POLA1: variants seen among roughly 807,000 people sequenced by gnomAD.
POLA1 encodes DNA polymerase alpha 1, catalytic subunit.
In POLA1, 15 loss-of-function variants were observed where a neutral mutation model predicts 124.0. The observed-to-expected ratio is 0.12, with a 90% CI of 0.08 to 0.19. The LOEUF (loss-of-function observed/expected upper bound fraction) is 0.19. Ranked by LOEUF, POLA1 falls within the 10% of genes least tolerant of loss-of-function variation. The pLI, the probability that POLA1 is intolerant of heterozygous loss-of-function variation, is 1.00. For missense variants in POLA1, 886 were observed against 1,103.4 expected, an observed-to-expected ratio of 0.80 and a Z score of 2.79; for synonymous variants, 408 against 389.4, an observed-to-expected ratio of 1.05 and a Z score of -0.56.
chrX:24,972,202 C>G (rs1180914733), intron 36 of POLA1, among the ~76,000 whole-genome samples: 1 of 111,571 alleles, frequency 9.0e-6, no homozygotes, highest in African/African-American at 3.3e-5. Flanking sequence ...AACTCCTGAC[C>G]TCAGGTGATC....
intron 34 of POLA1, among the ~76,000 whole-genome samples, chrX:24,852,311 C>CTT (rs111941385): frequency 4.9e-5 from 5 of 102,374 alleles, no homozygotes; most frequent in African/African-American, 1.8e-4. Context: ...CCTTAGCTTG[C>CTT]TTTTTTTTTT....
intron 36 of POLA1, among the ~76,000 whole-genome samples, chrX:24,968,441 T>C (rs909342356): frequency 8.9e-6 from 1 of 111,975 alleles, no homozygotes; most frequent in African/African-American, 3.2e-5. Flanking sequence ...GGCTCACTCC[T>C]GTAATCCCAG....
Position 24,947,246 on chromosome X carries a change from CTTTTTTTTTTTTTTTTTTTTT to C in POLA1, c.4261+16716_4261+16736del, listed in dbSNP as rs764618354. On this transcript the variant is annotated intron_variant, in intron 36 of 36. Transcript: ENST00000379068. ...CAGCTGGTTGTTTTCCCTGCAGATT[CTTTTTTTTTTTTTTTTTTTTT>C]TTTTTTTTTTTTTTTTTTGAGACAG... Among the ~76,000 whole-genome samples, 95 of 21,616 alleles carry C rather than the reference CTTTTTTTTTTTTTTTTTTTTT, an allele frequency of 4.4e-3. 2 individuals are homozygous for C. The highest frequency in any genetic ancestry group is 0.02 in the South Asian group (4 of 199). 18.8% of individuals were successfully genotyped at this position (21,616 alleles called of 115,157 possible). A position where few individuals can be genotyped will look rare whatever the true frequency, so the allele number is the denominator to read the frequency against.
chrX:24,916,806 A>G (rs2047540201), intron 35 of POLA1, among the ~76,000 whole-genome samples: 1 of 112,378 alleles, frequency 8.9e-6, no homozygotes, highest in Non-Finnish European at 1.9e-5. Flanking sequence ...GAGAGAACAC[A>G]TTTATGGCTA....
intron 34 of POLA1, among the ~76,000 whole-genome samples, chrX:24,848,178 ACT>A (rs2046501530): frequency 9.0e-6 from 1 of 111,462 alleles, no homozygotes; most frequent in African/African-American, 3.3e-5. Context: ...TAGCTTTGTT[ACT>A]CTCTTTCTGT....
chrX:24,968,542 AC>A (rs2048256247), intron 36 of POLA1, among the ~76,000 whole-genome samples: 1 of 109,761 alleles, frequency 9.1e-6, no homozygotes, highest in South Asian at 4.0e-4. Flanking sequence ...TACTAAAAAT[AC>A]AAAAAATTAG....
chrX:24,849,258 A>T (rs2046516956), intron 34 of POLA1, among the ~76,000 whole-genome samples: 1 of 112,891 alleles, frequency 8.9e-6, no homozygotes, highest in African/African-American at 3.2e-5. Flanking sequence ...AGGCAGCCCA[A>T]TCCATGCTGC....
chrX:24,709,198 C>T (rs1929097559), intron 4 of POLA1, among the ~76,000 whole-genome samples: 2 of 94,485 alleles, frequency 2.1e-5, no homozygotes, highest in Non-Finnish European at 4.3e-5. Context: ...GGGGGGCTGA[C>T]CCCCCCACCT....
chrX:24,841,351 AG>A (rs1412164039), intron 32 of POLA1, among the ~76,000 whole-genome samples: 1 of 112,338 alleles, frequency 8.9e-6, no homozygotes, highest in Non-Finnish European at 1.9e-5. Flanking sequence ...AGAATTTCTT[AG>A]TACACATTTA....
At chrX:24,994,449 T>G (rs2048575609) in intron 36 of POLA1, among the ~76,000 whole-genome samples, 1 of 112,591 alleles carries the variant, frequency 8.9e-6, no homozygotes, top group South Asian at 3.6e-4. Flanking sequence ...CCTCCGTGTT[T>G]CCTTCCTGAC....
intron 36 of POLA1, among the ~76,000 whole-genome samples, chrX:24,943,026 C>T (rs1183363938): frequency 8.9e-6 from 1 of 112,260 alleles, no homozygotes; most frequent in Non-Finnish European, 1.9e-5. Context: ...CTTCACTCTC[C>T]ACTCTCCACT....
chrX:24,713,305 A>G (rs1929595680), intron 4 of POLA1, among the ~76,000 whole-genome samples: 1 of 111,066 alleles, frequency 9.0e-6, no homozygotes, highest in Admixed American at 9.5e-5. Context: ...TTTTTTTGAG[A>G]TCAGGACTAT....
chrX:24,718,810 C>A (rs1930015396), intron 10 of POLA1, among the ~76,000 whole-genome samples: 1 of 111,512 alleles, frequency 9.0e-6, no homozygotes, highest in Admixed American at 9.5e-5. Flanking sequence ...TTACTTGGAC[C>A]CTGGTGGCTG....
chrX:24,911,469 A>C (rs1177305338), intron 35 of POLA1, among the ~76,000 whole-genome samples: 1 of 110,974 alleles, frequency 9.0e-6, no homozygotes, highest in Non-Finnish European at 1.9e-5. Flanking sequence ...CAATGCTTAG[A>C]GGAAAATTGA....
At position 24,951,343 on chromosome X, in the gene POLA1, A is replaced by ACCCCCCCCCCC. The variant is rs57038936; in HGVS notation, c.4261+20799_4261+20809dup. ...ACTCACTTTCTTTAAACACCTCCCT[A>ACCCCCCCCCCC]CCCCCCCCCCCCCCCACCAAATGCA... On this transcript the variant is annotated intron_variant, in intron 36 of 36. Transcript: ENST00000379068. Among the ~76,000 whole-genome samples the ACCCCCCCCCCC allele has an allele frequency of 2.7e-4, 11 of 40,951 alleles. 1 individual carries two copies. The highest frequency in any genetic ancestry group is 4.9e-4 in the Admixed American group (1 of 2,058). The allele number at this position is 40,951 out of a possible 115,157, so 35.6% of individuals were successfully genotyped here.
At position 24,932,432 on chromosome X, in the gene POLA1, C is replaced by T. The variant is rs955729126; in HGVS notation, c.4261+1883C>T. Among the ~76,000 whole-genome samples the T allele has an allele frequency of 3.6e-5, 4 of 111,616 alleles. No homozygotes were observed. The South Asian group carries it at 1.1e-3, about 32-fold the overall frequency. On this transcript the variant is annotated intron_variant, in intron 36 of 36. Transcript: ENST00000379068. The stretch of plus-strand genomic sequence containing the variant: ...CTCTTAGAGGACACTGAGAAGTGCA[C>T]GTTATTACACCCACAGAAAATAAGA...
rs1026466040 is a variant in POLA1, at chrX:24,949,296, G to A, written c.4261+18747G>A. 3.6e-5 allele frequency among the ~76,000 whole-genome samples: 4 copies of A among 111,410 alleles called. No homozygotes were observed. The East Asian group carries it at 1.1e-3, about 31-fold the overall frequency. ...TTTTAGTGTGGGGAGTTCCTATAAA[G>A]AGCCAAATTTCTGGCATTTTTAAAT... is the stretch of plus-strand genomic sequence containing the variant. On this transcript the variant is annotated intron_variant, in intron 36 of 36. Transcript: ENST00000379068.
chrX:24,858,442 G>A (rs1470558242), intron 34 of POLA1, among the ~76,000 whole-genome samples: 3 of 111,585 alleles, frequency 2.7e-5, no homozygotes, highest in Non-Finnish European at 5.7e-5. Context: ...CTACCCTCTC[G>A]ACCTTGACTG....
intron 36 of POLA1, among the ~76,000 whole-genome samples, chrX:24,967,209 A>G (rs765365288): frequency 7.2e-5 from 4 of 55,762 alleles, no homozygotes; most frequent in Non-Finnish European, 1.3e-4. Flanking sequence ...AAGACGAAAC[A>G]TATTTTTAAC....
Sources: gnomAD v4.1 joint callset for allele counts (sites outside exome capture counted in the v4.1 genomes callset) on GRCh38, gnomAD v4.1.1 for gene constraint, MANE v1.5 for transcripts, NCBI Gene and HGNC (gene_info 2026-07-23, HGNC 2026-07-21) for gene names.